RTEL1: variants seen among roughly 807,000 people sequenced by gnomAD.
RTEL1 encodes the protein regulator of telomere elongation helicase 1, also known as regulator of telomere length.
In RTEL1, 86 loss-of-function variants were observed where a neutral mutation model predicts 162.2. That is an observed-to-expected ratio of 0.53 (90% CI 0.45 to 0.63). The LOEUF is 0.63. Ranked by LOEUF, RTEL1 falls within the 30% of genes least tolerant of loss-of-function variation. RTEL1 has a pLI of 0.00. For missense variants in RTEL1, 1,941 were observed against 1,750.2 expected (o/e 1.11, Z -1.95); for synonymous variants, 958 against 717.9 (o/e 1.33, Z -5.35).
Position 63,689,624 on chromosome 20 carries a change from G to A in RTEL1, c.2001G>A (p.Lys667=). ...VLKMQFLDEM[K]GQGGAGGQFL... is the part of the protein sequence containing the mutation. ...AGATGCAGTTCCTGGATGAGATGAA[G>A]GGCCAGGGTGGGGCTGGGGGCCAGG... The change falls in exon 23 of 35, where the codon AAG becomes AAA. Residue 667 remains lysine, a synonymous_variant. Coordinates refer to ENST00000360203, the MANE Select transcript of RTEL1 (RefSeq NM_001283009.2). 6.2e-7 allele frequency: 1 copy of A among 1,612,224 alleles called. No homozygotes were observed. Among genetic ancestry groups the A allele is most frequent in the Non-Finnish European group, 8.5e-7 (1 of 1,179,626 alleles).
At chr20:63,691,147 C>G (rs2090731129) in intron 27 of RTEL1, among the ~76,000 whole-genome samples, 200 bp downstream of exon 27, 1 of 152,110 alleles carries the variant, frequency 6.6e-6, no homozygotes, top group African/African-American at 2.4e-5. Flanking sequence ...AGGCTGCTGG[C>G]TCCCAGGTGG....
At chr20:63,679,559 C>G (rs1175923296) in intron 12 of RTEL1, among the ~76,000 whole-genome samples, 1 of 152,156 alleles carries the variant, frequency 6.6e-6, no homozygotes, top group East Asian at 1.9e-4. Flanking sequence ...CAGGCCTCCT[C>G]TCCCCACCTG....
chr20:63,695,226 G>T lies in RTEL1; in HGVS notation c.3499+5G>T, dbSNP rs41309931. ...CCCACAGGGCTCCCCAACCAGGTAG[G>T]GCACCTGCCTGGCTGCTCCTGGCAG... On this transcript the variant is annotated splice_donor_5th_base_variant and intron_variant, in intron 33 of 34. Transcript: ENST00000360203. 0.12 allele frequency: 196,949 copies of T among 1,610,464 alleles called. 14,426 individuals are homozygous for T. Among genetic ancestry groups the T allele is most frequent in the Admixed American group, 0.32 (19,208 of 59,940 alleles).
Position 63,689,737 on chromosome 20 carries a change from C to T in RTEL1, c.2026-13C>T. On this transcript the variant is annotated splice_polypyrimidine_tract_variant and intron_variant, in intron 23 of 34. Transcript: ENST00000360203. ...CAAGGGAGCCCCCGTGACCGAGCCG[C>T]CTCGCCCCACAGTTCCTCTCTGGGC... 1 of 1,610,072 alleles carries T rather than the reference C, an allele frequency of 6.2e-7. No homozygotes were observed.
At chr20:63,672,432 G>A (rs1013273071) in intron 8 of RTEL1, 124 bp from the exon 9 acceptor site, 17 of 788,618 alleles carry the variant, frequency 2.2e-5, no homozygotes, top group Admixed American at 1.2e-4. Flanking sequence ...CTCTGCTCTC[G>A]ACATCGCCGG....
In RTEL1 at chr20:63,662,903, G is replaced by C. The variant is rs1291114567; in HGVS notation, c.538+14G>C. 2 of 1,613,138 alleles carry C rather than the reference G, an allele frequency of 1.2e-6. No homozygotes were observed. The highest frequency in any genetic ancestry group is 1.7e-6 in the Non-Finnish European group (2 of 1,179,386). On this transcript the variant is annotated intron_variant, in intron 6 of 34. Coordinates refer to ENST00000360203, the MANE Select transcript of RTEL1 (RefSeq NM_001283009.2). Reference sequence around the variant, plus strand: ...ACAACGTAGAAGGTACAAGCAGCTGGGTGGGACCAGGGTCGGGTTGGAGTG... The same window carrying C: ...ACAACGTAGAAGGTACAAGCAGCTGCGTGGGACCAGGGTCGGGTTGGAGTG...
At chr20:63,666,902 C>T (rs555922401) in intron 7 of RTEL1, among the ~76,000 whole-genome samples, 35 of 142,216 alleles carry the variant, frequency 2.5e-4, no homozygotes, top group Admixed American at 6.1e-4. Flanking sequence ...TGCAGTGGTG[C>T]GATCTCGGCT....
Position 63,693,236 on chromosome 20 carries a change from A to G in RTEL1, c.2945A>G (p.His982Arg), listed in dbSNP as rs201958360. Reference sequence around the variant, plus strand: ...CGAGGCTGTGGCTATCGGCCTGAGCACAGCATTCCCCGAAGGCAGCGGGCA... The same window carrying G: ...CGAGGCTGTGGCTATCGGCCTGAGCGCAGCATTCCCCGAAGGCAGCGGGCA... ...TGRGCGYRPE[H>R]SIPRRQRAQP... is the part of the protein sequence containing the mutation. The change falls in exon 30 of 35, where the codon CAC becomes CGC. Residue 982 changes from histidine to arginine, a missense_variant. His to Arg is a conservative substitution (Grantham distance 29). Coordinates refer to ENST00000360203, the MANE Select transcript of RTEL1 (RefSeq NM_001283009.2). The G allele has an allele frequency of 1.2e-5, 19 of 1,612,040 alleles. No homozygotes were observed. Among genetic ancestry groups the G allele is most frequent in the African/African-American group, 9.3e-5 (7 of 74,960 alleles).
chr20:63,672,463 T>G, intron 8 of RTEL1, 93 bp from the exon 9 acceptor site: 1 of 1,038,392 alleles, frequency 9.6e-7, no homozygotes, highest in Non-Finnish European at 1.5e-6. Context: ...CATCTGCGCT[T>G]GTGATGTTCG....
Position 63,694,076 on chromosome 20 carries a change from C to T in RTEL1, c.2993-296C>T, listed in dbSNP as rs139014795. ...CAGGGGGGAACCTAGCCTGTTGGGA[C>T]GACCCCAGATCCCTTCTGGGCTTGG... is the stretch of plus-strand genomic sequence containing the variant. On this transcript the variant is annotated intron_variant, in intron 30 of 34. Transcript: ENST00000360203. Among the ~76,000 whole-genome samples, 278 of 152,160 alleles carry T rather than the reference C, an allele frequency of 1.8e-3. 2 individuals are homozygous for T. The highest frequency in any genetic ancestry group is 5.9e-3 in the African/African-American group (247 of 41,526).
intron 28 of RTEL1, 70 bp downstream of exon 28, chr20:63,691,907 C>T (rs1206808575): frequency 7.9e-6 from 10 of 1,262,770 alleles, no homozygotes; most frequent in African/African-American, 2.9e-5. Context: ...GTGGGTGCCC[C>T]CAGCCACGGC....
At chr20:63,671,298 A>T (rs974576605) in intron 8 of RTEL1, among the ~76,000 whole-genome samples, 1 of 151,764 alleles carries the variant, frequency 6.6e-6, no homozygotes, top group Non-Finnish European at 1.5e-5. Flanking sequence ...TGACCTTGTC[A>T]TCCACTCACT....
At chr20:63,664,458 T>C (rs2090085049) in intron 6 of RTEL1, among the ~76,000 whole-genome samples, 1 of 152,036 alleles carries the variant, frequency 6.6e-6, no homozygotes, top group Admixed American at 6.5e-5. Context: ...ATGCTGGGCC[T>C]GGGACCTGGT....
At chr20:63,679,334 C>T (rs1442795494) in intron 12 of RTEL1, among the ~76,000 whole-genome samples, 2 of 152,156 alleles carry the variant, frequency 1.3e-5, no homozygotes, top group African/African-American at 2.4e-5. Flanking sequence ...TGGCCTGGCT[C>T]CTCGGCCACC....
intron 8 of RTEL1, 54 bp downstream of exon 8, chr20:63,667,607 G>T (rs889725378): frequency 2.8e-6 from 4 of 1,413,338 alleles, no homozygotes; most frequent in Non-Finnish European, 4.0e-6. Context: ...GTGTCCCTGG[G>T]CTTGGGAACA....
chr20:63,664,687 G>T (rs1254876951), intron 6 of RTEL1, among the ~76,000 whole-genome samples: 1 of 152,240 alleles, frequency 6.6e-6, no homozygotes, highest in East Asian at 1.9e-4. Flanking sequence ...CGGACAGGCT[G>T]TGAGGGGGTG....
intron 8 of RTEL1, among the ~76,000 whole-genome samples, chr20:63,670,537 CTG>C (rs2090218857): frequency 6.6e-6 from 1 of 152,246 alleles, no homozygotes; most frequent in Non-Finnish European, 1.5e-5. Flanking sequence ...GGAGCCGACA[CTG>C]TGGTCCCACT....
intron 8 of RTEL1, among the ~76,000 whole-genome samples, chr20:63,670,441 C>T (rs1249128643): frequency 6.6e-6 from 1 of 150,764 alleles, no homozygotes. Context: ...ACAGACGTTT[C>T]ACCAAGGTGG....
At chr20:63,682,322 C>T (rs2090493298) in intron 14 of RTEL1, 1 of 985,326 alleles carries the variant, frequency 1.0e-6, no homozygotes, top group Non-Finnish European at 1.2e-6. Context: ...CACTCTGGAA[C>T]CGAATCCTGG....
Sources: gnomAD v4.1 joint callset for allele counts (sites outside exome capture counted in the v4.1 genomes callset) on GRCh38, gnomAD v4.1.1 for gene constraint, MANE v1.5 for transcripts, NCBI Gene and HGNC (gene_info 2026-07-23, HGNC 2026-07-21) for gene names.